B4GALT1: variants seen among roughly 807,000 people sequenced by gnomAD.
B4GALT1 encodes beta-1,4-galactosyltransferase 1.
B4GALT1 carries 16 observed loss-of-function variants against 34.9 expected under a neutral mutation model. The ratio of observed to expected loss-of-function variants is 0.46; its 90% confidence interval spans 0.31 to 0.70. The LOEUF is 0.70. Among genes scored for constraint, B4GALT1 ranks in the 30% least tolerant of loss-of-function variants. The pLI is 0.05. For synonymous variants in B4GALT1, 221 were observed against 218.1 expected (o/e 1.01, Z -0.12); for missense variants, 445 against 530.5 (o/e 0.84, Z 1.58).
At chr9:33,125,828 G>A (rs541762745) in intron 2 of B4GALT1, among the ~76,000 whole-genome samples, 6 of 152,210 alleles carry the variant, frequency 3.9e-5, no homozygotes, top group Non-Finnish European at 5.9e-5. Context: ...TGGAAGAACT[G>A]TTCTGTCCAA....
intron 4 of B4GALT1, 88 bp downstream of exon 4, chr9:33,115,903 T>C: frequency 6.5e-7 from 1 of 1,531,826 alleles, no homozygotes; most frequent in Admixed American, 1.7e-5. Flanking sequence ...CATCTGAGGG[T>C]CAGTCCTTGG....
intron 2 of B4GALT1, among the ~76,000 whole-genome samples, chr9:33,121,205 G>A (rs1421413233): frequency 6.6e-6 from 1 of 152,124 alleles, no homozygotes; most frequent in Non-Finnish European, 1.5e-5. Flanking sequence ...CTCAACCTCT[G>A]CCCTCACAGT....
downstream of B4GALT1, among the ~76,000 whole-genome samples, chr9:33,110,313 C>G (rs1284977636): frequency 6.6e-6 from 1 of 152,200 alleles, no homozygotes. Flanking sequence ...CTGAATGATC[C>G]TGGTATCTGT....
At chr9:33,159,445 T>C (rs1840644216) in intron 1 of B4GALT1, among the ~76,000 whole-genome samples, 1 of 152,168 alleles carries the variant, frequency 6.6e-6, no homozygotes, top group South Asian at 2.1e-4. Flanking sequence ...CCAGGCTTTG[T>C]GCCAAATGAC....
intron 2 of B4GALT1, among the ~76,000 whole-genome samples, 163 bp downstream of exon 2, chr9:33,135,026 C>T (rs1344075816): frequency 1.3e-5 from 2 of 152,170 alleles, no homozygotes; most frequent in Admixed American, 6.5e-5. Flanking sequence ...CACTGTTTGG[C>T]GTTTACCTCA....
At chr9:33,155,617 G>C (rs1299943983) in intron 1 of B4GALT1, among the ~76,000 whole-genome samples, 1 of 152,132 alleles carries the variant, frequency 6.6e-6, no homozygotes, top group East Asian at 1.9e-4. Flanking sequence ...ACAAGATAGC[G>C]GCCTTCTCCT....
chr9:33,155,886 T>G (rs1012399029), intron 1 of B4GALT1, among the ~76,000 whole-genome samples: 2 of 152,208 alleles, frequency 1.3e-5, no homozygotes, highest in African/African-American at 4.8e-5. Context: ...ACCAACATCT[T>G]GAGGTAAGAA....
intron 1 of B4GALT1, among the ~76,000 whole-genome samples, chr9:33,161,236 T>C (rs1840670983): frequency 2.0e-5 from 3 of 152,180 alleles, no homozygotes; most frequent in Admixed American, 1.3e-4. Flanking sequence ...AAGTGGAACC[T>C]GAAGCACTGA....
At chr9:33,146,082 G>T (rs1259190084) in intron 1 of B4GALT1, among the ~76,000 whole-genome samples, 1 of 152,200 alleles carries the variant, frequency 6.6e-6, no homozygotes, top group Non-Finnish European at 1.5e-5. Flanking sequence ...GGTCAAGAAA[G>T]AGTGACTGGG....
chr9:33,170,093 C>T (rs1321948932), upstream of B4GALT1, among the ~76,000 whole-genome samples: 1 of 150,976 alleles, frequency 6.6e-6, no homozygotes, highest in Non-Finnish European at 1.5e-5. Flanking sequence ...CCTCAGCCTC[C>T]CAAGTAGCTG....
chr9:33,182,296 C>T, the B4GALT1 span, among the ~76,000 whole-genome samples: 1 of 152,188 alleles, frequency 6.6e-6, no homozygotes, highest in Admixed American at 6.5e-5. Context: ...GGAAACCAGT[C>T]ATTGGACTTG....
intron 2 of B4GALT1, among the ~76,000 whole-genome samples, chr9:33,125,732 G>C (rs1840082705): frequency 6.6e-6 from 1 of 152,178 alleles, no homozygotes; most frequent in African/African-American, 2.4e-5. Flanking sequence ...AGGAAGGCAA[G>C]TGTGGCCTTC....
chr9:33,138,930 T>A (rs1392278622), intron 1 of B4GALT1, among the ~76,000 whole-genome samples: 1 of 151,518 alleles, frequency 6.6e-6, no homozygotes, highest in Non-Finnish European at 1.5e-5. Flanking sequence ...CCCCCTCCTC[T>A]CTCCCCAACC....
chr9:33,107,878 T>TG (rs1046618635), downstream of B4GALT1, among the ~76,000 whole-genome samples: 6 of 152,142 alleles, frequency 3.9e-5, no homozygotes, highest in African/African-American at 1.4e-4. Flanking sequence ...GAAACACTGT[T>TG]GGTGAGGTCC....
chr9:33,166,847 G>A lies in B4GALT1; in HGVS notation c.323C>T (p.Pro108Leu). The change falls in exon 1 of 6, where the codon CCT (proline) becomes CTT (leucine). Residue 108 changes from proline to leucine, a missense_variant. Around this residue, in one of 3 missense-constraint regions of B4GALT1, gnomAD observed 349 missense variants for 395.5 expected, o/e 0.88. Transcript: ENST00000379731. ...CGAGGTCAAGTTGCTAGCGGGGCCA[G>A]GGCCAGAATCCACGACTGGGCTGGA... ...GDSSPVVDSG[P>L]GPASNLTSVP... 3 of 1,563,724 alleles carry A rather than the reference G, an allele frequency of 1.9e-6. No homozygotes were observed. Among genetic ancestry groups the A allele is most frequent in the Non-Finnish European group, 1.7e-6 (2 of 1,161,168 alleles).
intron 2 of B4GALT1, among the ~76,000 whole-genome samples, chr9:33,121,867 AG>A (rs1208570859): frequency 2.6e-5 from 4 of 152,118 alleles, no homozygotes; most frequent in Admixed American, 6.5e-5. Context: ...GAGCCCTGTG[AG>A]GGGTCACCAC....
intron 1 of B4GALT1, among the ~76,000 whole-genome samples, chr9:33,143,695 G>T (rs374005479): frequency 6.6e-6 from 1 of 152,154 alleles, no homozygotes; most frequent in African/African-American, 2.4e-5. Context: ...TGGTTTACAG[G>T]TTCACTTATT....
At chr9:33,151,619 A>T (rs1840518767) in intron 1 of B4GALT1, among the ~76,000 whole-genome samples, 2 of 152,358 alleles carry the variant, frequency 1.3e-5, no homozygotes, top group Middle Eastern at 3.4e-3. Flanking sequence ...ATACATACTT[A>T]TCGCATGTTC....
chr9:33,143,278 G>A (rs1201341859), intron 1 of B4GALT1, among the ~76,000 whole-genome samples: 1 of 152,212 alleles, frequency 6.6e-6, no homozygotes, highest in African/African-American at 2.4e-5. Flanking sequence ...ATTCATCTGT[G>A]CTCAGAAACA....
Sources: gnomAD v4.1 joint callset for allele counts (sites outside exome capture counted in the v4.1 genomes callset) on GRCh38, gnomAD v4.1.1 for gene constraint, gnomAD v4.1.1 regional missense constraint, MANE v1.5 for transcripts, NCBI Gene and HGNC (gene_info 2026-07-23, HGNC 2026-07-21) for gene names.